The following SYNPR variants were observed in gnomAD, a reference collection of about 807,000 sequenced individuals.
The protein encoded by SYNPR is synaptoporin.
A neutral mutation model predicts 32.9 loss-of-function variants in SYNPR; 23 were observed. The observed-to-expected ratio is 0.70, with a 90% CI of 0.50 to 0.99. The LOEUF is 0.99. SYNPR is among the 50% of genes least tolerant of loss of function. SYNPR has a pLI of 0.00. For missense variants in SYNPR, 318 were observed against 349.3 expected (o/e 0.91, Z 0.71); for synonymous variants, 146 against 135.9 (o/e 1.07, Z -0.52).
chr3:63,456,687 G>T (rs1700489140), intron 2 of SYNPR, among the ~76,000 whole-genome samples: 1 of 152,078 alleles, frequency 6.6e-6, no homozygotes, highest in Non-Finnish European at 1.5e-5. Flanking sequence ...CACCATCCAT[G>T]CTCTTAACCA....
At chr3:63,258,351 C>T (rs1007259670) in intron 2 of SYNPR, among the ~76,000 whole-genome samples, 2 of 152,282 alleles carry the variant, frequency 1.3e-5, no homozygotes, top group South Asian at 2.1e-4. Flanking sequence ...TGTAAAAGAA[C>T]AGAAATTATG....
intron 2 of SYNPR, among the ~76,000 whole-genome samples, chr3:63,419,402 A>C (rs1227015849): frequency 6.6e-6 from 1 of 152,216 alleles, no homozygotes; most frequent in Non-Finnish European, 1.5e-5. Context: ...CCTCTTGGGC[A>C]AAGGGTTGTG....
intron 2 of SYNPR, among the ~76,000 whole-genome samples, chr3:63,376,426 T>C (rs1191760235): frequency 6.6e-6 from 1 of 152,166 alleles, no homozygotes; most frequent in Non-Finnish European, 1.5e-5. Context: ...GCCTATAACA[T>C]CGTATATGAT....
At chr3:63,561,305 C>A (rs1702685137) in intron 4 of SYNPR, 1 of 152,188 alleles carries the variant, frequency 6.6e-6, no homozygotes, top group Admixed American at 6.5e-5. Flanking sequence ...ATACTCAAGA[C>A]AACCCTAGTT....
chr3:63,400,723 A>C (rs2088279616), intron 2 of SYNPR, among the ~76,000 whole-genome samples: 2 of 152,224 alleles, frequency 1.3e-5, no homozygotes, highest in South Asian at 2.1e-4. Flanking sequence ...CAAAGACAGG[A>C]GTGTCAAAGA....
chr3:63,307,834 C>T (rs2086922693), intron 2 of SYNPR, among the ~76,000 whole-genome samples: 1 of 151,936 alleles, frequency 6.6e-6, no homozygotes, highest in Non-Finnish European at 1.5e-5. Flanking sequence ...TAGAAAGCTG[C>T]TTTAGAGAAA....
chr3:63,515,090 C>A (rs902696161), intron 3 of SYNPR, among the ~76,000 whole-genome samples: 1 of 152,190 alleles, frequency 6.6e-6, no homozygotes. Context: ...GTTCTAGAAA[C>A]AATATGGTTT....
intron 4 of SYNPR, among the ~76,000 whole-genome samples, chr3:63,565,872 C>T (rs1350613742): frequency 1.3e-5 from 2 of 152,142 alleles, no homozygotes; most frequent in Non-Finnish European, 2.9e-5. Flanking sequence ...CCAGGAACCT[C>T]ACTGCTAGCT....
At chr3:63,496,089 T>G (rs879224869) in intron 3 of SYNPR, among the ~76,000 whole-genome samples, 1 of 152,098 alleles carries the variant, frequency 6.6e-6, no homozygotes, top group African/African-American at 2.4e-5. Flanking sequence ...TTCCTCCCAA[T>G]TTTTCTGTGA....
At position 63,288,266 on chromosome 3, in the gene SYNPR, T is replaced by C. The variant is rs1378402884; in HGVS notation, c.84+9524T>C. Among the ~76,000 whole-genome samples, 37 of 152,222 alleles carry C rather than the reference T, an allele frequency of 2.4e-4. 2 individuals are homozygous for C. Among genetic ancestry groups the C allele is most frequent in the Admixed American group, 2.4e-3 (37 of 15,282 alleles). On this transcript the variant is annotated intron_variant, in intron 2 of 5. Transcript: ENST00000478300. ...TCATGATATTCGAAACATTCCCCTT[T>C]TGTCTCTTCTTTCAGCTGGAGCAGC...
chr3:63,601,552 G>A (rs376277184), intron 4 of SYNPR, among the ~76,000 whole-genome samples: 1 of 152,004 alleles, frequency 6.6e-6, no homozygotes, highest in Non-Finnish European at 1.5e-5. Flanking sequence ...TTGTGTCCAC[G>A]TGTACTTTAA....
chr3:63,545,602 CT>C (rs1384919204), intron 3 of SYNPR: 2 of 151,912 alleles, frequency 1.3e-5, no homozygotes, highest in East Asian at 3.9e-4. Flanking sequence ...TATTATATGA[CT>C]GTTAAAAAAA....
At chr3:63,463,316 A>C (rs1412311770) in intron 2 of SYNPR, among the ~76,000 whole-genome samples, 1 of 152,184 alleles carries the variant, frequency 6.6e-6, no homozygotes, top group Non-Finnish European at 1.5e-5. Context: ...GTTTTGGTGC[A>C]CATGGAAATA....
At chr3:63,341,911 G>A (rs568056304) in intron 2 of SYNPR, among the ~76,000 whole-genome samples, 5 of 152,110 alleles carry the variant, frequency 3.3e-5, no homozygotes, top group African/African-American at 4.8e-5. Flanking sequence ...TGTTTTTGGT[G>A]TTGCATCTAG....
chr3:63,228,098 A>G (rs987622948), upstream of SYNPR, among the ~76,000 whole-genome samples: 2 of 152,210 alleles, frequency 1.3e-5, no homozygotes, highest in Non-Finnish European at 2.9e-5. Flanking sequence ...AGAATGGATT[A>G]TACAGAAAAA....
intron 1 of SYNPR, among the ~76,000 whole-genome samples, chr3:63,250,108 G>A (rs1047630040): frequency 1.3e-5 from 2 of 152,026 alleles, no homozygotes; most frequent in East Asian, 3.9e-4. Context: ...AGGTTCTAGG[G>A]TTCTATAGCA....
At chr3:63,273,875 A>T (rs778157974), upstream of SYNPR, among the ~76,000 whole-genome samples, 1 of 152,170 alleles carries the variant, frequency 6.6e-6, no homozygotes, top group South Asian at 2.1e-4. Context: ...GCTTTATTTC[A>T]TCTTTGGATT....
At chr3:63,425,616 G>T (rs1353197405) in intron 2 of SYNPR, among the ~76,000 whole-genome samples, 1 of 152,052 alleles carries the variant, frequency 6.6e-6, no homozygotes, top group African/African-American at 2.4e-5. Context: ...TCTGGGATCT[G>T]CCTGCCTAGG....
At chr3:63,489,283 C>T (rs1329537203) in intron 3 of SYNPR, among the ~76,000 whole-genome samples, 2 of 152,150 alleles carry the variant, frequency 1.3e-5, no homozygotes, top group Admixed American at 6.5e-5. Context: ...GATAATTATA[C>T]CCCCAATCCA....
Sources: gnomAD v4.1 joint callset for allele counts (sites outside exome capture counted in the v4.1 genomes callset) on GRCh38, gnomAD v4.1.1 for gene constraint, MANE v1.5 for transcripts, NCBI Gene and HGNC (gene_info 2026-07-23, HGNC 2026-07-21) for gene names.